ITGA5: variants seen among roughly 807,000 people sequenced by gnomAD.
The protein encoded by ITGA5 is integrin alpha-5.
ITGA5 carries 55 observed loss-of-function variants against 146.3 expected under a neutral mutation model. The observed-to-expected ratio is 0.38, with a 90% CI of 0.30 to 0.47. The LOEUF (loss-of-function observed/expected upper bound fraction) is 0.47, where lower values mean the gene tolerates loss of function less well. Ranked by LOEUF, ITGA5 falls within the 20% of genes least tolerant of loss-of-function variation. The pLI is 0.99. For synonymous variants in ITGA5, 500 were observed against 531.8 expected (o/e 0.94, Z 0.82); for missense variants, 1,131 against 1,329.0 (o/e 0.85, Z 2.32).
In ITGA5 at chr12:54,405,161, C is replaced by T; in HGVS notation, c.1225+5G>A. ...TCTTTCACTCTCTGAGCCCATGGTA[C>T]TCACCATTGTAGCCATCCTGGTCCA... On this transcript the variant is annotated splice_donor_5th_base_variant and intron_variant, in intron 12 of 29. Coordinates refer to ENST00000293379, the MANE Select transcript of ITGA5 (RefSeq NM_002205.5). 1 of 1,586,764 alleles carries T rather than the reference C, an allele frequency of 6.3e-7. No homozygotes were observed. The highest frequency in any genetic ancestry group is 8.6e-7 in the Non-Finnish European group (1 of 1,163,302).
intron 29 of ITGA5, 36 bp from the exon 30 acceptor site, chr12:54,396,412 A>C (rs767779746): frequency 4.6e-6 from 7 of 1,508,994 alleles, no homozygotes; most frequent in Non-Finnish European, 6.5e-6. Flanking sequence ...TTTAGGTACT[A>C]TGGCTGCCAT....
chr12:54,405,978 TG>T, intron 9 of ITGA5, 52 bp from the exon 10 acceptor site: 1 of 1,524,452 alleles, frequency 6.6e-7, no homozygotes, highest in Non-Finnish European at 9.1e-7. Context: ...GAATATCCCA[TG>T]GTTAAAGAAC....
At chr12:54,410,149 C>A (rs1955924421) in intron 2 of ITGA5, among the ~76,000 whole-genome samples, 1 of 151,760 alleles carries the variant, frequency 6.6e-6, no homozygotes, top group African/African-American at 2.4e-5. Flanking sequence ...GCCACTGCGC[C>A]CGCGTAGAAC....
In ITGA5 at chr12:54,403,135, C is replaced by T; in HGVS notation, c.1914+52G>A. On this transcript the variant is annotated intron_variant, in intron 18 of 29. Coordinates refer to ENST00000293379, the MANE Select transcript of ITGA5 (RefSeq NM_002205.5). This position sits in a 1 kb window ranked among gnomAD's most constrained non-coding sequence, Gnocchi z 4.9. ...TTCTCTTTCCATGGCCCTGCCCCCCCAATACCCAGGCCTCTGTCTTCCCAG... is the reference window on the plus strand; with the variant it reads ...TTCTCTTTCCATGGCCCTGCCCCCCTAATACCCAGGCCTCTGTCTTCCCAG... 1 of 1,596,812 alleles carries T rather than the reference C, an allele frequency of 6.3e-7. No homozygotes were observed. Among genetic ancestry groups the T allele is most frequent in the Non-Finnish European group, 8.5e-7 (1 of 1,171,610 alleles).
intron 25 of ITGA5, 31 bp from the exon 26 acceptor site, chr12:54,399,978 A>C (rs1321000727): frequency 2.0e-6 from 3 of 1,511,078 alleles, no homozygotes; most frequent in Non-Finnish European, 2.8e-6. Flanking sequence ...CCCCTTTCCC[A>C]TCTCATTACA....
rs900425715 is a variant in ITGA5, at chr12:54,409,675, G to T, written c.350-78C>A. The stretch of plus-strand genomic sequence containing the variant: ...AGGGCAGCCCCTACCCTCAGCCTGG[G>T]GATACCCAACAAACGCTTCCAAGCC... On this transcript the variant is annotated intron_variant, in intron 2 of 29. Coordinates refer to ENST00000293379, the MANE Select transcript of ITGA5 (RefSeq NM_002205.5). This position sits in a 1 kb window ranked among gnomAD's most constrained non-coding sequence, Gnocchi z 4.7. 3.3e-6 allele frequency: 3 copies of T among 908,700 alleles called. No homozygotes were observed. The highest frequency in any genetic ancestry group is 2.3e-5 in the Admixed American group (1 of 43,242). The allele number at this position is 908,700 out of a possible 1,614,324, so 56.3% of individuals were successfully genotyped here. A position where few individuals can be genotyped will look rare whatever the true frequency, so the allele number is the denominator to read the frequency against.
chr12:54,400,740 G>C, intron 25 of ITGA5, 106 bp downstream of exon 25: 1 of 1,141,266 alleles, frequency 8.8e-7, no homozygotes, highest in Non-Finnish European at 1.3e-6. Context: ...CTAGCTATAG[G>C]CACATCCTCA....
At position 54,403,601 on chromosome 12, in the gene ITGA5, C is replaced by T. The variant is rs1955819623; in HGVS notation, c.1776+24G>A. 1 of 1,606,108 alleles carries T rather than the reference C, an allele frequency of 6.2e-7. No individual in the cohort carries two copies. Among genetic ancestry groups the T allele is most frequent in the Non-Finnish European group, 8.5e-7 (1 of 1,175,526 alleles). On this transcript the variant is annotated intron_variant, in intron 17 of 29. Transcript: ENST00000293379. This position sits in a 1 kb window ranked among gnomAD's most constrained non-coding sequence, Gnocchi z 4.9. The stretch of plus-strand genomic sequence containing the variant: ...GTGTGGCCACCCTCCCTGGCCAGTC[C>T]ACACCCCGCCCTCTGGGCCATACCC...
In ITGA5 at chr12:54,404,828, C is replaced by A. The variant is rs1432938028; in HGVS notation, c.1292G>T (p.Gly431Val). The change falls in exon 13 of 30, where the codon GGC becomes GTC. Residue 431 changes from glycine (G) to valine (V), a missense_variant. Coordinates refer to ENST00000293379, the MANE Select transcript of ITGA5 (RefSeq NM_002205.5). ...QQGVVFVFPG[G>V]PGGLGSKPSQ... Reference sequence around the variant, plus strand: ...AGGCTTAGAGCCCAGCCCTCCTGGGCCCCCAGGAAATACAAACACTACTCC... The same window carrying A: ...AGGCTTAGAGCCCAGCCCTCCTGGGACCCCAGGAAATACAAACACTACTCC... The A allele has an allele frequency of 8.7e-6, 14 of 1,611,700 alleles. No homozygotes were observed. Among genetic ancestry groups the A allele is most frequent in the East Asian group, 2.2e-5 (1 of 44,860 alleles).
intron 25 of ITGA5, chr12:54,400,148 C>T: frequency 1.7e-6 from 1 of 576,366 alleles, no homozygotes; most frequent in Non-Finnish European, 3.1e-6. Flanking sequence ...GGAGATCACA[C>T]TGGAGGAGAT....
intron 19 of ITGA5, 117 bp downstream of exon 19, chr12:54,402,866 T>C: frequency 1.3e-6 from 1 of 755,600 alleles, no homozygotes; most frequent in Non-Finnish European, 2.3e-6. Context: ...ACAAAGGAGT[T>C]AAAGCTCAGA....
At position 54,409,050 on chromosome 12, in the gene ITGA5, G is replaced by A; in HGVS notation, c.584-96C>T. 1 of 1,441,324 alleles carries A rather than the reference G, an allele frequency of 6.9e-7. No homozygotes were observed. The highest frequency in any genetic ancestry group is 9.7e-7 in the Non-Finnish European group (1 of 1,033,368). 89.3% of individuals were successfully genotyped at this position (1,441,324 alleles called of 1,614,324 possible). A position where few individuals can be genotyped will look rare whatever the true frequency, so the allele number is the denominator to read the frequency against. ...GGGAAGGAGGTGGGAGAGAGAACCA[G>A]AGAAAGGGCCTTCCTGGACCAGACA... On this transcript the variant is annotated intron_variant, in intron 4 of 29. Transcript: ENST00000293379. This position sits in a 1 kb window ranked among gnomAD's most constrained non-coding sequence, Gnocchi z 4.7.
At position 54,401,447 on chromosome 12, in the gene ITGA5, C is replaced by G. The variant is rs1190297564; in HGVS notation, c.2419G>C (p.Val807Leu). Residue 807 changes from valine (V) to leucine (L), a missense_variant, in exon 24 of 30, where the codon GTA (valine) becomes CTA (leucine). Coordinates refer to ENST00000293379, the MANE Select transcript of ITGA5 (RefSeq NM_002205.5). This position sits in a 1 kb window ranked among gnomAD's most constrained non-coding sequence, Gnocchi z 5.0. ...TGGTCTCGGGGATGCCAGTCGCTTACTGGGAATAGCACTGCCTCAGGCTTG... is the reference window on the plus strand; with the variant it reads ...TGGTCTCGGGGATGCCAGTCGCTTAGTGGGAATAGCACTGCCTCAGGCTTG... The part of the protein sequence containing the change: ...VSKPEAVLFP[V>L]SDWHPRDQPQ... 1.2e-6 allele frequency: 2 copies of G among 1,614,120 alleles called. No homozygotes were observed. Among genetic ancestry groups the G allele is most frequent in the South Asian group, 2.2e-5 (2 of 91,066 alleles).
Position 54,396,316 on chromosome 12 carries a change from G to T in ITGA5, c.3127C>A (p.Pro1043Thr), listed in dbSNP as rs1463878044. The part of the protein sequence containing the change: ...GTAMEKAQLK[P>T]PATSDA ...ACTCAGGCATCAGAGGTGGCTGGAG[G>T]CTTGAGCTGAGCTTTTTCCATGGCG... Residue 1043 changes from proline to threonine, a missense_variant, in exon 30 of 30, where the codon CCT becomes ACT. Around this residue, in one of 3 missense-constraint regions of ITGA5, gnomAD observed 889 missense variants for 1,021.5 expected, o/e 0.87. Transcript: ENST00000293379. The T allele has an allele frequency of 6.2e-7, 1 of 1,613,926 alleles. No individual in the cohort carries two copies. The highest frequency in any genetic ancestry group is 1.3e-5 in the African/African-American group (1 of 74,952).
At chr12:54,418,614 G>T (rs1217844533) in intron 1 of ITGA5, among the ~76,000 whole-genome samples, 2 of 139,656 alleles carry the variant, frequency 1.4e-5, no homozygotes, top group African/African-American at 5.4e-5. Context: ...CCCCCTCTGC[G>T]CCCCCACCCG....
At chr12:54,415,390 A>T (rs779876950) in intron 1 of ITGA5, among the ~76,000 whole-genome samples, 4 of 152,222 alleles carry the variant, frequency 2.6e-5, no homozygotes, top group Non-Finnish European at 5.9e-5. Context: ...CTGAGGCCAC[A>T]TGGCATAAAG....
chr12:54,398,700 T>A lies in ITGA5; in HGVS notation c.2842-2A>T. 6.3e-7 allele frequency: 1 copy of A among 1,595,818 alleles called. No individual in the cohort carries two copies. The highest frequency in any genetic ancestry group is 8.5e-7 in the Non-Finnish European group (1 of 1,171,942). On this transcript the variant is annotated splice_acceptor_variant, in intron 27 of 29. Coordinates refer to ENST00000293379, the MANE Select transcript of ITGA5 (RefSeq NM_002205.5). LOFTEE classifies it high-confidence loss of function. Reference sequence around the variant, plus strand: ...CAGGCTAAATGGCTGGTGCTCCCGCTGTGGGTAGGGGAAAGTTGGTTAGCA... The same window carrying A: ...CAGGCTAAATGGCTGGTGCTCCCGCAGTGGGTAGGGGAAAGTTGGTTAGCA...
intron 25 of ITGA5, 24 bp from the exon 26 acceptor site, chr12:54,399,971 CT>C (rs771687750): frequency 6.4e-7 from 1 of 1,567,158 alleles, no homozygotes; most frequent in South Asian, 1.1e-5. Flanking sequence ...TGTTGGGCCC[CT>C]TTCCCATCTC....
intron 27 of ITGA5, among the ~76,000 whole-genome samples, chr12:54,399,047 A>G (rs1437072993): frequency 1.3e-5 from 2 of 151,744 alleles, no homozygotes; most frequent in Non-Finnish European, 1.5e-5. Flanking sequence ...GAGTTTTGCC[A>G]TGTTGCCCAG....
Sources: allele counts gnomAD v4.1 joint callset (sites outside exome capture counted in the v4.1 genomes callset), GRCh38; gene constraint gnomAD v4.1.1; regional missense constraint gnomAD v4.1.1; non-coding constraint Gnocchi (gnomAD v3.1); transcripts MANE v1.5; gene names NCBI Gene and HGNC (gene_info 2026-07-23, HGNC 2026-07-21).